The following NEMP2 variants were observed in gnomAD, a reference collection of about 807,000 sequenced individuals.
The protein encoded by NEMP2 is nuclear envelope integral membrane protein 2, also known as UPF0571 transmembrane protein.
NEMP2 carries 53 observed loss-of-function variants against 54.2 expected under a neutral mutation model. The observed-to-expected ratio is 0.98, with a 90% confidence interval of 0.78 to 1.23. The LOEUF (loss-of-function observed/expected upper bound fraction) is 1.23. NEMP2 is among the 50% of genes most tolerant of loss of function. The pLI is 0.00. For synonymous variants in NEMP2, 197 were observed against 190.3 expected (o/e 1.04, Z -0.29); for missense variants, 455 against 511.3 (o/e 0.89, Z 1.06).
intron 1 of NEMP2, among the ~76,000 whole-genome samples, chr2:190,526,334 T>A (rs1690933923): frequency 6.6e-6 from 1 of 152,110 alleles, no homozygotes; most frequent in African/African-American, 2.4e-5. Flanking sequence ...GAAGCCCATA[T>A]AATGCAGTCC....
the NEMP2 span, among the ~76,000 whole-genome samples, chr2:190,614,873 C>T: frequency 6.6e-6 from 1 of 152,156 alleles, no homozygotes; most frequent in African/African-American, 2.4e-5. The surrounding 1 kb of genome is among the most constrained non-coding windows in gnomAD (Gnocchi z 5.7). Context: ...GTTAACTCAC[C>T]CTTTGAGTGA....
At chr2:190,632,770 G>A in the NEMP2 span, among the ~76,000 whole-genome samples, 2 of 152,026 alleles carry the variant, frequency 1.3e-5, no homozygotes, top group African/African-American at 2.4e-5. The surrounding 1 kb of genome is among the most constrained non-coding windows in gnomAD (Gnocchi z 4.8). Context: ...CTTGGCAGGC[G>A]ACAAATGAAA....
At chr2:190,571,014 G>T in the NEMP2 span, among the ~76,000 whole-genome samples, 13 of 152,290 alleles carry the variant, frequency 8.5e-5, 2 homozygotes, top group African/African-American at 2.9e-4. Flanking sequence ...TAGGCACTGT[G>T]GATAGAGGGT....
chr2:190,423,688 G>A, the NEMP2 span, among the ~76,000 whole-genome samples: 1 of 152,274 alleles, frequency 6.6e-6, no homozygotes, highest in East Asian at 1.9e-4. This position sits in a 1 kb window ranked among gnomAD's most constrained non-coding sequence, Gnocchi z 4.3. Flanking sequence ...TGGTAATCAT[G>A]TATTTAGTTT....
the NEMP2 span, among the ~76,000 whole-genome samples, chr2:190,565,159 AT>A: frequency 4.0e-5 from 6 of 150,886 alleles, no homozygotes; most frequent in African/African-American, 9.7e-5. Flanking sequence ...GGAAATACGA[AT>A]TTTTTTTTTA....
rs1351437689 is a variant in NEMP2 at position 190,522,384 on chromosome 2, A to G, written c.213+2879T>C. ...CCCAAATCTAAAAAATTAAAAATTA[A>G]GAAGGTTTTTTTTAAAAAAACAAAA... On this transcript the variant is annotated intron_variant, in intron 2 of 8. Coordinates refer to ENST00000409150, the MANE Select transcript of NEMP2 (RefSeq NM_001142645.2). The surrounding 1 kb of genome is among the most constrained non-coding windows in gnomAD (Gnocchi z 5.0). Among the ~76,000 whole-genome samples, 1 of 149,698 alleles carries G rather than the reference A, an allele frequency of 6.7e-6. No homozygotes were observed. Among genetic ancestry groups the G allele is most frequent in the Admixed American group, 6.6e-5 (1 of 15,150 alleles).
At position 190,513,426 on chromosome 2, in the gene NEMP2, T is replaced by G. The variant is rs1326176544; in HGVS notation, c.953+1027A>C. Among the ~76,000 whole-genome samples, 1 of 152,224 alleles carries G rather than the reference T, an allele frequency of 6.6e-6. No individual in the cohort carries two copies. The highest frequency in any genetic ancestry group is 2.4e-5 in the African/African-American group (1 of 41,456). On this transcript the variant is annotated intron_variant, in intron 7 of 8. Coordinates refer to ENST00000409150, the MANE Select transcript of NEMP2 (RefSeq NM_001142645.2). This position sits in a 1 kb window ranked among gnomAD's most constrained non-coding sequence, Gnocchi z 5.3. The stretch of plus-strand genomic sequence containing the variant: ...AGTTTCCCACAGTCCTCCTGGTTAC[T>G]GCTGCCTTACCCCTGCTCAGCATCA...
the NEMP2 span, chr2:190,648,548 C>G: frequency 1.3e-5 from 2 of 149,220 alleles, no homozygotes; most frequent in Non-Finnish European, 3.0e-5. Flanking sequence ...TAAAGTCAGC[C>G]TCCTAGAGGA....
At position 190,525,391 on chromosome 2, in the gene NEMP2, AAAGGG is replaced by A; in HGVS notation, c.98-18_98-14del. On this transcript the variant is annotated splice_polypyrimidine_tract_variant and intron_variant, in intron 1 of 8. Transcript: ENST00000409150. This position sits in a 1 kb window ranked among gnomAD's most constrained non-coding sequence, Gnocchi z 5.0. ...TTACACCTACGAACTGAGAGATGGA[AAAGGG>A]AATGCATTTTCTAACTGTTTAATTG... 1 of 1,446,522 alleles carries A rather than the reference AAAGGG, an allele frequency of 6.9e-7. No individual in the cohort carries two copies. Among genetic ancestry groups the A allele is most frequent in the Non-Finnish European group, 9.5e-7 (1 of 1,057,738 alleles). 89.6% of individuals were successfully genotyped at this position (1,446,522 alleles called of 1,614,324 possible). A position where few individuals can be genotyped will look rare whatever the true frequency, so the allele number is the denominator to read the frequency against.
the NEMP2 span, among the ~76,000 whole-genome samples, chr2:190,583,424 A>AT: frequency 3.9e-5 from 6 of 152,276 alleles, no homozygotes; most frequent in East Asian, 1.2e-3. Flanking sequence ...AACTCAACAG[A>AT]TTTTAAACGC....
At chr2:190,643,727 G>A in the NEMP2 span, among the ~76,000 whole-genome samples, 1 of 152,136 alleles carries the variant, frequency 6.6e-6, no homozygotes, top group Non-Finnish European at 1.5e-5. Flanking sequence ...AGGAGTTCGA[G>A]ACCAGTCTGG....
chr2:190,488,151 T>C, the NEMP2 span, among the ~76,000 whole-genome samples: 2 of 152,218 alleles, frequency 1.3e-5, no homozygotes, highest in African/African-American at 4.8e-5. This position sits in a 1 kb window ranked among gnomAD's most constrained non-coding sequence, Gnocchi z 6.4. Context: ...TCCACCCGCC[T>C]CGGCCTCCCA....
rs546371421 is a variant in NEMP2, at chr2:190,509,038, T to C, written c.*151A>G. Reference sequence around the variant, plus strand: ...CAAGAATGCTAAGTTATCTTCAAAATGGGTTGGTTTCCCTTTCCAGACTGA... The same window carrying C: ...CAAGAATGCTAAGTTATCTTCAAAACGGGTTGGTTTCCCTTTCCAGACTGA... On this transcript the variant is annotated 3_prime_UTR_variant, in exon 9 of 9. Transcript: ENST00000409150. This position sits in a 1 kb window ranked among gnomAD's most constrained non-coding sequence, Gnocchi z 6.1. The C allele has an allele frequency of 3.5e-4, 413 of 1,167,446 alleles. No homozygotes were observed. The highest frequency in any genetic ancestry group is 4.6e-4 in the Non-Finnish European group (391 of 853,900). The allele number at this position is 1,167,446 out of a possible 1,614,324, so 72.3% of individuals were successfully genotyped here. A position where few individuals can be genotyped will look rare whatever the true frequency, so the allele number is the denominator to read the frequency against.
chr2:190,532,975 C>T (rs1022632619), intron 1 of NEMP2, among the ~76,000 whole-genome samples: 3 of 152,188 alleles, frequency 2.0e-5, no homozygotes, highest in Admixed American at 6.5e-5. Context: ...TCAGGCAGAA[C>T]AGAAGCTCCA....
chr2:190,589,585 C>T, the NEMP2 span, among the ~76,000 whole-genome samples: 13 of 152,288 alleles, frequency 8.5e-5, 2 homozygotes, highest in African/African-American at 2.9e-4. The surrounding 1 kb of genome is among the most constrained non-coding windows in gnomAD (Gnocchi z 4.3). Flanking sequence ...GTCTTCAATT[C>T]ACAGCAGTTT....
chr2:190,422,084 G>T, the NEMP2 span, among the ~76,000 whole-genome samples: 1 of 152,152 alleles, frequency 6.6e-6, no homozygotes, highest in African/African-American at 2.4e-5. Flanking sequence ...GAGACATGTA[G>T]TAAACTGCAT....
At chr2:190,639,642 TTTTTTTG>T in the NEMP2 span, among the ~76,000 whole-genome samples, 5 of 151,934 alleles carry the variant, frequency 3.3e-5, no homozygotes, top group Admixed American at 6.6e-5. Flanking sequence ...TTGAGTTTTT[TTTTTTTG>T]TTTTTTGTTT....
chr2:190,614,105 A>C, the NEMP2 span, among the ~76,000 whole-genome samples: 1 of 152,254 alleles, frequency 6.6e-6, no homozygotes, highest in Non-Finnish European at 1.5e-5. The surrounding 1 kb of genome is among the most constrained non-coding windows in gnomAD (Gnocchi z 5.7). Flanking sequence ...CATATTAGGC[A>C]TGCCAATAGA....
At chr2:190,572,873 A>ATATATATATG in the NEMP2 span, among the ~76,000 whole-genome samples, 623 of 109,882 alleles carry the variant, frequency 5.7e-3, 8 homozygotes, top group Non-Finnish European at 8.2e-3. Flanking sequence ...ATATATATAT[A>ATATATATATG]TATGTATATA....
Sources: allele counts gnomAD v4.1 joint callset (sites outside exome capture counted in the v4.1 genomes callset), GRCh38; gene constraint gnomAD v4.1.1; non-coding constraint Gnocchi (gnomAD v3.1); transcripts MANE v1.5; gene names NCBI Gene and HGNC (gene_info 2026-07-23, HGNC 2026-07-21).